SS18L1: variants seen among roughly 807,000 people sequenced by gnomAD.
SS18L1 encodes calcium-responsive transactivator.
In SS18L1, 32 loss-of-function variants were observed where a neutral mutation model predicts 70.3. The ratio of observed to expected loss-of-function variants is 0.46; its 90% CI spans 0.34 to 0.61. The LOEUF is 0.61. SS18L1 is among the 20% of genes least tolerant of loss of function. SS18L1 has a pLI of 0.01. For synonymous variants in SS18L1, 237 were observed against 229.7 expected (o/e 1.03, Z -0.29); for missense variants, 430 against 542.1 (o/e 0.79, Z 2.05).
At chr20:62,146,201 C>T (rs1055447116) in intron 1 of SS18L1, among the ~76,000 whole-genome samples, 14 of 152,236 alleles carry the variant, frequency 9.2e-5, no homozygotes, top group African/African-American at 2.9e-4. Context: ...GCCTCACTCA[C>T]GTGTTCCGCG....
Position 62,162,643 on chromosome 20 carries a change from A to G in SS18L1, c.377-109A>G, listed in dbSNP as rs2057350185. 3.5e-6 allele frequency: 4 copies of G among 1,158,886 alleles called. No homozygotes were observed. The Admixed American group carries it at 7.9e-5, about 23-fold the overall frequency. The allele number at this position is 1,158,886 out of a possible 1,614,324, so 71.8% of individuals were successfully genotyped here. On this transcript the variant is annotated intron_variant, in intron 4 of 10. Transcript: ENST00000331758. ...CACTTAATCATTAATAGTGCTGTTG[A>G]TAGCAACTCTTCCCAAAGTCACTTG...
rs1199902967 is a variant in SS18L1 at position 62,150,633 on chromosome 20, A to AATTTTTTTT, written c.69+6744_69+6745insATTTTTTTT. On this transcript the variant is annotated intron_variant, in intron 1 of 10. Transcript: ENST00000331758. Reference sequence around the variant, plus strand: ...CGGAGCATAAGAAACATTGAGGTGGATTTTTTTTTTTTTTTTTTTTTTTTT... The same window carrying AATTTTTTTT: ...CGGAGCATAAGAAACATTGAGGTGGAATTTTTTTTTTTTTTTTTTTTTTTTTTTTTTTTT... Among the ~76,000 whole-genome samples, 125 of 58,026 alleles carry AATTTTTTTT rather than the reference A, an allele frequency of 2.2e-3. 7 individuals are homozygous for AATTTTTTTT. Among genetic ancestry groups the AATTTTTTTT allele is most frequent in the Non-Finnish European group, 3.7e-3 (105 of 28,248 alleles). The allele number at this position is 58,026 out of a possible 152,430, so 38.1% of individuals were successfully genotyped here.
intron 10 of SS18L1, among the ~76,000 whole-genome samples, chr20:62,178,141 CTTTTTT>C (rs61157167): frequency 6.1e-5 from 6 of 97,830 alleles, no homozygotes; most frequent in South Asian, 2.9e-4. Context: ...GTGGCTTATT[CTTTTTT>C]TTTTTTTTTT....
In SS18L1 at chr20:62,158,176, C is replaced by T. The variant is rs2057257407; in HGVS notation, c.70-496C>T. The stretch of plus-strand genomic sequence containing the variant: ...GGCTGACCCTTGCTGCACAGATGCT[C>T]TGCCGTCAAGGGCCCTGGAAGCTGG... On this transcript the variant is annotated intron_variant, in intron 1 of 10. Transcript: ENST00000331758. The surrounding 1 kb of genome is among the most constrained non-coding windows in gnomAD (Gnocchi z 4.5). Among the ~76,000 whole-genome samples, 1 of 152,132 alleles carries T rather than the reference C, an allele frequency of 6.6e-6. No homozygotes were observed. Among genetic ancestry groups the T allele is most frequent in the Admixed American group, 6.5e-5 (1 of 15,268 alleles).
chr20:62,172,811 G>A lies in SS18L1; in HGVS notation c.1036+10G>A, dbSNP rs200156443. 66 of 1,612,278 alleles carry A rather than the reference G, an allele frequency of 4.1e-5. No individual in the cohort carries two copies. The Admixed American group carries it at 6.0e-4, about 15-fold the overall frequency. On this transcript the variant is annotated intron_variant, in intron 9 of 10. Transcript: ENST00000331758. ...CAGCAGCAGGGCTACGGTAAGAGGCGAGCACGGTCCTCGGGGCCCCCCAGC... is the reference window on the plus strand; with the variant it reads ...CAGCAGCAGGGCTACGGTAAGAGGCAAGCACGGTCCTCGGGGCCCCCCAGC...
chr20:62,156,730 G>A (rs1020986072), intron 1 of SS18L1, among the ~76,000 whole-genome samples: 11 of 152,154 alleles, frequency 7.2e-5, no homozygotes, highest in African/African-American at 2.2e-4. Flanking sequence ...GAGGGGCCAC[G>A]TTGCAGGGTG....
At chr20:62,157,062 TC>T (rs1222007338) in intron 1 of SS18L1, among the ~76,000 whole-genome samples, 1 of 151,786 alleles carries the variant, frequency 6.6e-6, no homozygotes, top group Non-Finnish European at 1.5e-5. Context: ...CTCTCTCGCC[TC>T]CCGTTGGGTC....
chr20:62,161,977 T>G lies in SS18L1; in HGVS notation c.376+397T>G, dbSNP rs977527451. 6.6e-6 allele frequency among the ~76,000 whole-genome samples: 1 copy of G among 152,142 alleles called. No individual in the cohort carries two copies. Among genetic ancestry groups the G allele is most frequent in the African/African-American group, 2.4e-5 (1 of 41,430 alleles). The stretch of plus-strand genomic sequence containing the variant: ...GGCTCAGATCTCTAATCCCAACCCT[T>G]TGTGAGGCCTAAACCAGCAGACTAC... On this transcript the variant is annotated intron_variant, in intron 4 of 10. Transcript: ENST00000331758. This position sits in a 1 kb window ranked among gnomAD's most constrained non-coding sequence, Gnocchi z 4.4.
chr20:62,145,980 G>A (rs182526083), intron 1 of SS18L1, among the ~76,000 whole-genome samples: 124 of 148,996 alleles, frequency 8.3e-4, no homozygotes, highest in African/African-American at 3.1e-3. Context: ...TCTACAACTT[G>A]TCCTTACAGC....
chr20:62,165,586 TAGG>T, intron 8 of SS18L1, 72 bp downstream of exon 8: 3 of 1,421,228 alleles, frequency 2.1e-6, no homozygotes, highest in Non-Finnish European at 2.9e-6. Flanking sequence ...GCTGCACCCT[TAGG>T]AGCACGCGGT....
In SS18L1 at chr20:62,162,753, G is replaced by T; in HGVS notation, c.378G>T (p.Gly126=). The T allele has an allele frequency of 1.2e-6, 2 of 1,606,544 alleles. No homozygotes were observed. Among genetic ancestry groups the T allele is most frequent in the Non-Finnish European group, 1.7e-6 (2 of 1,175,442 alleles). Residue 126 remains glycine, a splice_region_variant and synonymous_variant, in exon 5 of 11, where the codon GGG becomes GGT. Transcript: ENST00000331758. ...SSLLQGQIGN[G]PSHVSMQQTA... ...ACCACTCCCTGCTCCCCATGCCAGG[G>T]CCGAGCCACGTGTCCATGCAGCAGA...
chr20:62,146,648 T>A (rs1383800528), intron 1 of SS18L1, among the ~76,000 whole-genome samples: 1 of 145,484 alleles, frequency 6.9e-6, no homozygotes, highest in Non-Finnish European at 1.5e-5. Flanking sequence ...TCGCTCTTGT[T>A]GCCCAGGCTA....
At position 62,163,439 on chromosome 20, in the gene SS18L1, C is replaced by A. The variant is rs1391270767; in HGVS notation, c.557-19C>A. On this transcript the variant is annotated intron_variant, in intron 5 of 10. Coordinates refer to ENST00000331758, the MANE Select transcript of SS18L1 (RefSeq NM_198935.3). ...GGAGGCTTCCCGGGGTGATGTGGGG[C>A]CTCTGTCCTGTCGTTCAGTCTCCAT... is the stretch of plus-strand genomic sequence containing the variant. 3 of 1,611,502 alleles carry A rather than the reference C, an allele frequency of 1.9e-6. No homozygotes were observed. The South Asian group carries it at 3.3e-5, about 18-fold the overall frequency.
intron 4 of SS18L1, 192 bp from the exon 5 acceptor site, chr20:62,162,560 T>A: frequency 5.1e-6 from 3 of 589,428 alleles, no homozygotes; most frequent in African/African-American, 1.9e-5. Flanking sequence ...CACCTCGGCC[T>A]CCCAAAGTGC....
chr20:62,162,302 CT>C (rs1300754197), intron 4 of SS18L1, among the ~76,000 whole-genome samples: 1 of 147,450 alleles, frequency 6.8e-6, no homozygotes, highest in Non-Finnish European at 1.5e-5. Flanking sequence ...GCTTTGTTTT[CT>C]TTTCTTTTTT....
intron 8 of SS18L1, among the ~76,000 whole-genome samples, chr20:62,169,928 G>A (rs2057500716): frequency 1.3e-5 from 2 of 152,230 alleles, no homozygotes; most frequent in Non-Finnish European, 1.5e-5. Context: ...GGTGACCAGC[G>A]TGTCCCAGGA....
At chr20:62,171,906 T>C (rs2057538199) in intron 8 of SS18L1, among the ~76,000 whole-genome samples, 1 of 152,178 alleles carries the variant, frequency 6.6e-6, no homozygotes, top group South Asian at 2.1e-4. Flanking sequence ...CTCACGCCTG[T>C]AATCCTAGCA....
In SS18L1 at chr20:62,148,192, C is replaced by G. The variant is rs113267024; in HGVS notation, c.69+4303C>G. Among the ~76,000 whole-genome samples the G allele has an allele frequency of 3.2e-3, 487 of 152,362 alleles. 4 individuals carry two copies. Among genetic ancestry groups the G allele is most frequent in the African/African-American group, 0.011 (461 of 41,586 alleles). On this transcript the variant is annotated intron_variant, in intron 1 of 10. Transcript: ENST00000331758. ...TCATTCCGGAGCCTGGGCTCAGCCC[C>G]GGGGAGGGACCCCGCAGCCACCGGC...
intron 10 of SS18L1, chr20:62,175,031 G>A (rs959074314): frequency 4.9e-5 from 37 of 759,772 alleles, no homozygotes; most frequent in Non-Finnish European, 2.4e-5. Flanking sequence ...GTCCCACAGG[G>A]CCAGACTGTG....
Sources: allele counts gnomAD v4.1 joint callset (sites outside exome capture counted in the v4.1 genomes callset), GRCh38; gene constraint gnomAD v4.1.1; non-coding constraint Gnocchi (gnomAD v3.1); transcripts MANE v1.5; gene names NCBI Gene and HGNC (gene_info 2026-07-23, HGNC 2026-07-21).